Variants in RBPJ observed in about 807,000 individuals in gnomAD.
RBPJ encodes the protein recombining binding protein suppressor of hairless.
RBPJ carries 9 observed loss-of-function variants against 67.8 expected under a neutral mutation model. The ratio of observed to expected loss-of-function variants is 0.13; its 90% CI spans 0.08 to 0.23. RBPJ has a LOEUF of 0.23. RBPJ is among the 10% of genes least tolerant of loss of function. The pLI is 1.00. For missense variants in RBPJ, 305 were observed against 595.6 expected, an observed-to-expected ratio of 0.51 and a Z score of 5.08; for synonymous variants, 198 against 203.3, an observed-to-expected ratio of 0.97 and a Z score of 0.22.
chr4:26,364,625 CTTTTTTT>C lies in RBPJ; in HGVS notation c.21-21718_21-21712del, dbSNP rs932946481. On this transcript the variant is annotated intron_variant, in intron 1 of 10. Coordinates refer to ENST00000355476, the MANE Select transcript of RBPJ (RefSeq NM_015874.6). ...TTTTTTTTTTTTTCTTTTTCATTTT[CTTTTTTT>C]TTTTTTTTTCTTGAAATGGAGTCTT... Among the ~76,000 whole-genome samples, 7 of 105,516 alleles carry C rather than the reference CTTTTTTT, an allele frequency of 6.6e-5. No individual in the cohort carries two copies. The South Asian group carries it at 9.1e-4, about 14-fold the overall frequency. The allele number at this position is 105,516 out of a possible 152,430, so 69.2% of individuals were successfully genotyped here.
intron 1 of RBPJ, among the ~76,000 whole-genome samples, chr4:26,224,507 A>G (rs555852944): frequency 6.6e-6 from 1 of 152,328 alleles, no homozygotes; most frequent in African/African-American, 2.4e-5. Flanking sequence ...TGAGAAATAC[A>G]GAGAAAGAGT....
At chr4:26,121,263 T>A in the RBPJ span, among the ~76,000 whole-genome samples, 1 of 152,116 alleles carries the variant, frequency 6.6e-6, no homozygotes, top group East Asian at 1.9e-4. Context: ...CCTCTGAATC[T>A]TACTTTGTCA....
chr4:26,130,113 C>T, the RBPJ span, among the ~76,000 whole-genome samples: 2 of 152,090 alleles, frequency 1.3e-5, no homozygotes, highest in Non-Finnish European at 2.9e-5. Context: ...CCTCCTGCCT[C>T]GGCCTCCAAA....
At chr4:26,283,824 T>TA (rs1721367245) in intron 1 of RBPJ, among the ~76,000 whole-genome samples, 1 of 152,076 alleles carries the variant, frequency 6.6e-6, no homozygotes, top group Non-Finnish European at 1.5e-5. Context: ...TTTCGTACTT[T>TA]TAGTAGAGAC....
chr4:26,138,211 C>T, the RBPJ span, among the ~76,000 whole-genome samples: 4 of 152,162 alleles, frequency 2.6e-5, no homozygotes, highest in African/African-American at 2.4e-5. Flanking sequence ...TACCTGATAT[C>T]ATCCCAACCT....
intron 1 of RBPJ, among the ~76,000 whole-genome samples, chr4:26,358,870 T>C (rs145284811): frequency 6.6e-6 from 1 of 152,316 alleles, no homozygotes; most frequent in East Asian, 1.9e-4. Flanking sequence ...TGTGTCATCA[T>C]TATGTTCCAG....
At chr4:26,118,898 CTT>C in the RBPJ span, among the ~76,000 whole-genome samples, 1 of 152,196 alleles carries the variant, frequency 6.6e-6, no homozygotes, top group South Asian at 2.1e-4. Flanking sequence ...TGACACCACT[CTT>C]TTTCTTTCCC....
chr4:26,234,405 A>G (rs1398398991), intron 1 of RBPJ, among the ~76,000 whole-genome samples: 1 of 152,194 alleles, frequency 6.6e-6, no homozygotes, highest in Non-Finnish European at 1.5e-5. Context: ...GGGGATGGAG[A>G]ATAATAAACA....
intron 3 of RBPJ, among the ~76,000 whole-genome samples, chr4:26,413,183 C>T (rs551856345): frequency 2.1e-4 from 32 of 152,302 alleles, no homozygotes; most frequent in African/African-American, 6.7e-4. Flanking sequence ...GTTGTTTCCC[C>T]ACTGTTGGTC....
At chr4:26,178,161 T>C (rs554219788) in intron 1 of RBPJ, among the ~76,000 whole-genome samples, 2 of 152,344 alleles carry the variant, frequency 1.3e-5, no homozygotes, top group African/African-American at 2.4e-5. Flanking sequence ...GAAACTAATA[T>C]AAAGTGGCAT....
At chr4:26,150,775 G>A in the RBPJ span, among the ~76,000 whole-genome samples, 1 of 152,174 alleles carries the variant, frequency 6.6e-6, no homozygotes, top group African/African-American at 2.4e-5. Context: ...GTCTCATGGG[G>A]TGAGGGAAAT....
intron 1 of RBPJ, among the ~76,000 whole-genome samples, chr4:26,296,807 T>C (rs114390024): frequency 0.019 from 2,825 of 152,280 alleles, 30 homozygotes; most frequent in Non-Finnish European, 0.028. Context: ...CCATTTAAAA[T>C]AGCAATTGCG....
rs1317900294 is a variant in RBPJ, at chr4:26,430,165, G to A, written c.1044+112G>A. On this transcript the variant is annotated intron_variant, in intron 9 of 10. Coordinates refer to ENST00000355476, the MANE Select transcript of RBPJ (RefSeq NM_015874.6). The surrounding 1 kb of genome is among the most constrained non-coding windows in gnomAD (Gnocchi z 4.1). Reference sequence around the variant, plus strand: ...TGATTTTTCTCCAATCGTCTGATTAGGGGATTTTTATATACACCATTTGTT... The same window carrying A: ...TGATTTTTCTCCAATCGTCTGATTAAGGGATTTTTATATACACCATTTGTT... The A allele has an allele frequency of 7.8e-7, 1 of 1,289,274 alleles. No individual in the cohort carries two copies. The highest frequency in any genetic ancestry group is 1.1e-6 in the Non-Finnish European group (1 of 897,684). 79.9% of individuals were successfully genotyped at this position (1,289,274 alleles called of 1,614,324 possible).
chr4:26,277,224 A>C (rs1398068323), intron 1 of RBPJ, among the ~76,000 whole-genome samples: 1 of 150,914 alleles, frequency 6.6e-6, no homozygotes, highest in Non-Finnish European at 1.5e-5. Flanking sequence ...GTGAGCTGTG[A>C]TCACACCACT....
intron 2 of RBPJ, among the ~76,000 whole-genome samples, chr4:26,404,196 T>G (rs990418177): frequency 6.6e-6 from 1 of 152,138 alleles, no homozygotes; most frequent in African/African-American, 2.4e-5. Flanking sequence ...TTTTGAAAAG[T>G]GTTCATATCC....
At chr4:26,413,814 TC>T in intron 3 of RBPJ, among the ~76,000 whole-genome samples, 1 of 152,320 alleles carries the variant, frequency 6.6e-6, no homozygotes, top group East Asian at 1.9e-4. Context: ...AAAGTTTTTT[TC>T]TTTTAGTCTG....
chr4:26,311,461 C>T (rs1028849112), intron 1 of RBPJ, among the ~76,000 whole-genome samples: 2 of 151,916 alleles, frequency 1.3e-5, no homozygotes, highest in Non-Finnish European at 2.9e-5. Context: ...ATTGCTTGAA[C>T]CCAGGAGGTG....
chr4:26,428,057 G>C (rs1577677016), intron 7 of RBPJ, among the ~76,000 whole-genome samples: 1 of 152,174 alleles, frequency 6.6e-6, no homozygotes, highest in Non-Finnish European at 1.5e-5. Flanking sequence ...GACATATTCT[G>C]GTCCTTCAGC....
chr4:26,245,196 C>G (rs962197131), intron 1 of RBPJ, among the ~76,000 whole-genome samples: 43 of 147,200 alleles, frequency 2.9e-4, no homozygotes, highest in Middle Eastern at 3.6e-3. Context: ...CTGGCAATCA[C>G]TATTGTATTT....
Sources: allele counts gnomAD v4.1 joint callset (sites outside exome capture counted in the v4.1 genomes callset), GRCh38; gene constraint gnomAD v4.1.1; non-coding constraint Gnocchi (gnomAD v3.1); transcripts MANE v1.5; gene names NCBI Gene and HGNC (gene_info 2026-07-23, HGNC 2026-07-21).